The following NCKAP5 variants were observed in gnomAD, a reference collection of about 807,000 sequenced individuals.
NCKAP5 encodes the protein NCK associated protein 5, also known as nck-associated protein 5.
A neutral mutation model predicts 167.0 loss-of-function variants in NCKAP5; 92 were observed. The ratio of observed to expected loss-of-function variants is 0.55; its 90% CI spans 0.47 to 0.66. NCKAP5 has a LOEUF of 0.66. Ranked by LOEUF, NCKAP5 falls within the 30% of genes least tolerant of loss-of-function variation. NCKAP5 has a pLI of 0.00. For missense variants in NCKAP5, 2,378 were observed against 2,315.0 expected, an observed-to-expected ratio of 1.03 and a Z score of -0.56; for synonymous variants, 891 against 877.4, an observed-to-expected ratio of 1.02 and a Z score of -0.27.
At chr2:133,617,148 T>C in the NCKAP5 span, among the ~76,000 whole-genome samples, 1 of 152,282 alleles carries the variant, frequency 6.6e-6, no homozygotes, top group Middle Eastern at 3.4e-3. Context: ...TGATGGGACA[T>C]ATCTCAAAAT....
At chr2:132,941,646 T>C (rs1031986227) in intron 8 of NCKAP5, among the ~76,000 whole-genome samples, 3 of 152,194 alleles carry the variant, frequency 2.0e-5, no homozygotes, top group Non-Finnish European at 2.9e-5. Context: ...GCCTGAAACC[T>C]GGGTCTAGCA....
intron 5 of NCKAP5, 140 bp from the exon 6 acceptor site, chr2:133,130,251 T>C (rs896320688): frequency 1.8e-5 from 16 of 910,154 alleles, no homozygotes; most frequent in African/African-American, 3.4e-5. Flanking sequence ...GGTCCTATTC[T>C]TAATCTCTTG....
In NCKAP5 at chr2:132,994,186, T is replaced by C; in HGVS notation, c.395A>G (p.Lys132Arg). 1.3e-6 allele frequency: 2 copies of C among 1,590,984 alleles called. No individual in the cohort carries two copies. Among genetic ancestry groups the C allele is most frequent in the South Asian group, 2.3e-5 (2 of 87,282 alleles). The change falls in exon 7 of 20, where the codon AAA becomes AGA. Residue 132 changes from lysine to arginine, a missense_variant. Lys to Arg is a conservative substitution (Grantham distance 26). Transcript: ENST00000409261. ...CATTATATTAACAGTTTCTTCTTTT[T>C]TCTGCTCTGGAGATCCTTGACTCTG... The part of the protein sequence containing the change: ...LLQSQGSPEQ[K>R]KEETVNIMVY...
chr2:132,879,358 TA>T lies in NCKAP5; in HGVS notation c.580-443del, dbSNP rs746693176. ...TGAAAGCATAATTCCAAATGCAAAC[TA>T]AATATGTTACTTTCATTGTTAGTCA... On this transcript the variant is annotated intron_variant, in intron 8 of 19. Coordinates refer to ENST00000409261, the MANE Select transcript of NCKAP5 (RefSeq NM_207363.3). 7.8e-4 allele frequency among the ~76,000 whole-genome samples: 119 copies of T among 152,314 alleles called. 1 individual carries two copies. The Middle Eastern group carries it at 0.01, about 13-fold the overall frequency.
chr2:133,659,515 T>C, the NCKAP5 span, among the ~76,000 whole-genome samples: 1 of 152,152 alleles, frequency 6.6e-6, no homozygotes, highest in African/African-American at 2.4e-5. Flanking sequence ...AATTAAAATT[T>C]AAAATTTTGC....
rs114963707 is a variant in NCKAP5 at position 133,077,444 on chromosome 2, G to A, written c.341+52534C>T. Among the ~76,000 whole-genome samples the A allele has an allele frequency of 5.5e-3, 836 of 152,262 alleles. 1 individual carries two copies. The highest frequency in any genetic ancestry group is 0.019 in the African/African-American group (786 of 41,542). ...CTGTTCCGGTAGCTTAGATGCAGGC[G>A]GTGATGAAAGGTCATTTCACAACTT... On this transcript the variant is annotated intron_variant, in intron 6 of 19. Coordinates refer to ENST00000409261, the MANE Select transcript of NCKAP5 (RefSeq NM_207363.3).
chr2:133,471,358 C>T (rs1278209153), intron 3 of NCKAP5, among the ~76,000 whole-genome samples: 1 of 143,840 alleles, frequency 7.0e-6, no homozygotes, highest in African/African-American at 2.7e-5. Flanking sequence ...AATTTAAGTG[C>T]CACTAGCAAC....
At chr2:133,129,204 C>A (rs189199006) in intron 6 of NCKAP5, among the ~76,000 whole-genome samples, 164 of 151,844 alleles carry the variant, frequency 1.1e-3, no homozygotes, top group African/African-American at 3.7e-3. Flanking sequence ...ATTAACTCGT[C>A]ATTTAGCATT....
chr2:133,089,901 T>C (rs1334634879), intron 6 of NCKAP5, among the ~76,000 whole-genome samples: 2 of 152,196 alleles, frequency 1.3e-5, no homozygotes, highest in Non-Finnish European at 2.9e-5. Flanking sequence ...CTTTGTTTTG[T>C]GGAGCGTTTC....
the NCKAP5 span, among the ~76,000 whole-genome samples, chr2:133,578,420 CA>C: frequency 6.6e-6 from 1 of 152,272 alleles, no homozygotes; most frequent in East Asian, 1.9e-4. Flanking sequence ...AAGACGCAGA[CA>C]TGCACTGCAT....
chr2:132,678,862 GT>G, intron 19 of NCKAP5, among the ~76,000 whole-genome samples: 1 of 152,238 alleles, frequency 6.6e-6, no homozygotes, highest in East Asian at 1.9e-4. Flanking sequence ...TCCTGGCTTT[GT>G]GCTAATTAGC....
chr2:132,989,810 T>C (rs1304257465), intron 7 of NCKAP5, among the ~76,000 whole-genome samples: 2 of 152,166 alleles, frequency 1.3e-5, no homozygotes, highest in African/African-American at 4.8e-5. Context: ...CACTTGGCAT[T>C]TGCGAGTTCA....
the NCKAP5 span, among the ~76,000 whole-genome samples, chr2:133,605,240 C>T: frequency 2.0e-5 from 3 of 152,180 alleles, no homozygotes; most frequent in Non-Finnish European, 4.4e-5. Context: ...TCCTTGCTCG[C>T]TTTAAATTGG....
chr2:133,608,452 C>T, the NCKAP5 span, among the ~76,000 whole-genome samples: 1 of 152,152 alleles, frequency 6.6e-6, no homozygotes, highest in Non-Finnish European at 1.5e-5. Flanking sequence ...AGCTCACAGA[C>T]AGACACACAG....
chr2:133,325,610 T>C (rs903772744), intron 3 of NCKAP5, among the ~76,000 whole-genome samples: 3 of 152,200 alleles, frequency 2.0e-5, no homozygotes, highest in African/African-American at 7.2e-5. Flanking sequence ...ATTTGTTATT[T>C]TGGAGTACAT....
chr2:133,461,506 C>T (rs1016211352), intron 3 of NCKAP5, among the ~76,000 whole-genome samples: 1 of 152,278 alleles, frequency 6.6e-6, no homozygotes, highest in South Asian at 2.1e-4. Context: ...TGTGAATGGG[C>T]TAGATCAATG....
the NCKAP5 span, among the ~76,000 whole-genome samples, chr2:133,587,963 T>G: frequency 6.6e-6 from 1 of 152,134 alleles, no homozygotes; most frequent in Non-Finnish European, 1.5e-5. Flanking sequence ...ATCAGAGGTT[T>G]AATCAGTTTA....
At chr2:132,763,130 T>C (rs549806257) in intron 16 of NCKAP5, among the ~76,000 whole-genome samples, 2 of 152,224 alleles carry the variant, frequency 1.3e-5, no homozygotes, top group African/African-American at 4.8e-5. Flanking sequence ...AGTATTTTAC[T>C]GTAAAAGTCT....
chr2:132,962,483 G>C (rs75594278), intron 8 of NCKAP5, among the ~76,000 whole-genome samples: 1 of 152,160 alleles, frequency 6.6e-6, no homozygotes, highest in African/African-American at 2.4e-5. Context: ...TATTATCACC[G>C]AGGAAATTAG....
Sources: gnomAD v4.1 joint callset for allele counts (sites outside exome capture counted in the v4.1 genomes callset) on GRCh38, gnomAD v4.1.1 for gene constraint, MANE v1.5 for transcripts, NCBI Gene and HGNC (gene_info 2026-07-23, HGNC 2026-07-21) for gene names.